MEF2A: variants seen among roughly 807,000 people sequenced by gnomAD.
The protein encoded by MEF2A is myocyte enhancer factor 2A.
A neutral mutation model predicts 55.8 loss-of-function variants in MEF2A; 28 were observed. The ratio of observed to expected loss-of-function variants is 0.50; its 90% CI spans 0.37 to 0.69. MEF2A has a LOEUF of 0.69. Ranked by LOEUF, MEF2A falls within the 30% of genes least tolerant of loss-of-function variation. The probability of loss-of-function intolerance (pLI) is 0.00; values close to 1 mark genes in which losing one functional copy is unlikely to be tolerated. For synonymous variants in MEF2A, 239 were observed against 227.1 expected, an observed-to-expected ratio of 1.05 and a Z score of -0.47; for missense variants, 528 against 626.2, an observed-to-expected ratio of 0.84 and a Z score of 1.67.
chr15:99,690,656 C>T (rs754859913), intron 8 of MEF2A: 60 of 627,068 alleles, frequency 9.6e-5, no homozygotes, highest in African/African-American at 7.2e-5. Context: ...TAAATACGAA[C>T]GTGGTTGGAA....
intron 5 of MEF2A, among the ~76,000 whole-genome samples, chr15:99,672,070 T>C (rs1010119071): frequency 3.9e-5 from 6 of 152,208 alleles, no homozygotes; most frequent in East Asian, 1.9e-4. Flanking sequence ...TGTTCTTAAA[T>C]AGATCTTGAG....
intron 7 of MEF2A, among the ~76,000 whole-genome samples, chr15:99,685,561 A>T (rs1197666412): frequency 6.6e-6 from 1 of 152,090 alleles, no homozygotes; most frequent in African/African-American, 2.4e-5. Flanking sequence ...TCCAGTAAAG[A>T]TGTCATAGAT....
At position 99,597,680 on chromosome 15, in the gene MEF2A, C is replaced by T. The variant is rs370061344; in HGVS notation, c.-224-750C>T. Among the ~76,000 whole-genome samples the T allele has an allele frequency of 3.1e-3, 465 of 152,246 alleles. 1 individual carries two copies. The highest frequency in any genetic ancestry group is 0.023 in the South Asian group (109 of 4,830). Reference sequence around the variant, plus strand: ...GGTTTTTGTGGCTTGGGGGGCATCACGGAACCTACCGACATGTGATGTCTC... The same window carrying T: ...GGTTTTTGTGGCTTGGGGGGCATCATGGAACCTACCGACATGTGATGTCTC... On this transcript the variant is annotated intron_variant, in intron 1 of 11. Coordinates refer to ENST00000557942, the MANE Select transcript of MEF2A (RefSeq NM_001319206.4).
intron 9 of MEF2A, 141 bp from the exon 10 acceptor site, chr15:99,706,585 GTAT>G (rs1567502035): frequency 1.3e-6 from 1 of 792,214 alleles, no homozygotes; most frequent in Non-Finnish European, 2.1e-6. Flanking sequence ...ATTCTCACTA[GTAT>G]TTTTGAAGTT....
Position 99,612,137 on chromosome 15 carries a change from C to T in MEF2A, c.-143+13626C>T, listed in dbSNP as rs74920664. Among the ~76,000 whole-genome samples, 82 of 152,076 alleles carry T rather than the reference C, an allele frequency of 5.4e-4. No homozygotes were observed. In the East Asian group the frequency reaches 0.013, roughly 24 times the overall value. On this transcript the variant is annotated intron_variant, in intron 2 of 11. Coordinates refer to ENST00000557942, the MANE Select transcript of MEF2A (RefSeq NM_001319206.4). ...TACGATTTTTAGAAAAACACCGGGCCGGGGGCAGTGGCTCACACCTGTAAT... is the reference window on the plus strand; with the variant it reads ...TACGATTTTTAGAAAAACACCGGGCTGGGGGCAGTGGCTCACACCTGTAAT...
At chr15:99,686,467 C>G (rs1889520462) in intron 7 of MEF2A, among the ~76,000 whole-genome samples, 1 of 152,194 alleles carries the variant, frequency 6.6e-6, no homozygotes, top group Non-Finnish European at 1.5e-5. Context: ...CTCTCTTCTT[C>G]ATTCATGAAG....
intron 2 of MEF2A, among the ~76,000 whole-genome samples, chr15:99,615,498 A>C (rs1203833998): frequency 1.3e-5 from 2 of 152,214 alleles, no homozygotes; most frequent in Non-Finnish European, 2.9e-5. Flanking sequence ...ACTAGGCCAA[A>C]TACTTCATAT....
At chr15:99,622,196 A>G (rs768242077) in intron 2 of MEF2A, among the ~76,000 whole-genome samples, 24 of 152,232 alleles carry the variant, frequency 1.6e-4, no homozygotes, top group Non-Finnish European at 3.1e-4. Flanking sequence ...TTTTAAAAAC[A>G]TGACACATTT....
chr15:99,690,443 T>C lies in MEF2A; in HGVS notation c.858+15T>C, dbSNP rs1162031182. 1 of 1,569,500 alleles carries C rather than the reference T, an allele frequency of 6.4e-7. No individual in the cohort carries two copies. Among genetic ancestry groups the C allele is most frequent in the Admixed American group, 1.9e-5 (1 of 53,540 alleles). ...TGCCTCCACTAGTAAGTTGAACCTT[T>C]CTTCAACTTCATTCTTTAAAACACA... On this transcript the variant is annotated intron_variant, in intron 8 of 11. Coordinates refer to ENST00000557942, the MANE Select transcript of MEF2A (RefSeq NM_001319206.4).
intron 3 of MEF2A, among the ~76,000 whole-genome samples, chr15:99,645,120 T>C (rs1567310705): frequency 6.6e-6 from 1 of 152,138 alleles, no homozygotes; most frequent in African/African-American, 2.4e-5. Context: ...TTTCAGTGGG[T>C]ACAATAGAGA....
intron 8 of MEF2A, 81 bp from the exon 9 acceptor site, chr15:99,703,281 T>A (rs1027846195): frequency 5.2e-6 from 7 of 1,334,460 alleles, no homozygotes; most frequent in Non-Finnish European, 7.4e-6. Flanking sequence ...TGTCCAAATA[T>A]GTTTTTTCTA....
chr15:99,599,428 C>T (rs1242244714), intron 2 of MEF2A, among the ~76,000 whole-genome samples: 1 of 152,006 alleles, frequency 6.6e-6, no homozygotes, highest in African/African-American at 2.4e-5. Flanking sequence ...ACTTTTGCTA[C>T]TTAACATAGG....
At chr15:99,651,491 G>A (rs928472151) in intron 4 of MEF2A, among the ~76,000 whole-genome samples, 5 of 152,068 alleles carry the variant, frequency 3.3e-5, no homozygotes, top group African/African-American at 1.2e-4. Flanking sequence ...TCAGGGAAAG[G>A]GAAAAAATAA....
At position 99,706,778 on chromosome 15, in the gene MEF2A, C is replaced by T; in HGVS notation, c.932C>T (p.Pro311Leu). Residue 311 changes from proline (P) to leucine (L), a missense_variant, in exon 10 of 12, where the codon CCA (proline) becomes CTA (leucine). Physicochemically the swap from Pro to Leu is moderately conservative, Grantham distance 98. This residue lies in a region of MEF2A where 450 missense variants were observed against 475.3 expected (regional missense o/e 0.95). Transcript: ENST00000557942. Reference protein sequence around the residue: ...SSQATQPLATPVVSVTTPSLP... With the variant: ...SSQATQPLATLVVSVTTPSLP... ...CAAGCCACTCAACCTCTTGCTACCC[C>T]AGTCGTGTCTGTGACAACCCCAAGC... The T allele has an allele frequency of 6.2e-7, 1 of 1,613,970 alleles. No individual in the cohort carries two copies. The highest frequency in any genetic ancestry group is 8.5e-7 in the Non-Finnish European group (1 of 1,179,830).
chr15:99,577,847 A>G (rs1046160187), intron 1 of MEF2A, among the ~76,000 whole-genome samples: 1 of 151,964 alleles, frequency 6.6e-6, no homozygotes, highest in African/African-American at 2.4e-5. Context: ...ATGTCTTTCA[A>G]TTTGGGTTTC....
chr15:99,607,878 C>T (rs529908373), intron 2 of MEF2A, among the ~76,000 whole-genome samples: 9 of 152,278 alleles, frequency 5.9e-5, no homozygotes, highest in African/African-American at 1.9e-4. Context: ...TTTCGTAATA[C>T]TATGCTTATC....
intron 2 of MEF2A, among the ~76,000 whole-genome samples, chr15:99,623,189 T>G (rs962997682): frequency 6.6e-6 from 1 of 152,236 alleles, no homozygotes; most frequent in Non-Finnish European, 1.5e-5. Context: ...TTTATTTCCC[T>G]TACCTAATGT....
chr15:99,690,388 T>C lies in MEF2A; in HGVS notation c.818T>C (p.Val273Ala). Residue 273 changes from valine to alanine, a missense_variant, in exon 8 of 12, where the codon GTT becomes GCT. Val to Ala is a moderately conservative substitution (Grantham distance 64). This residue lies in a region of MEF2A where 450 missense variants were observed against 475.3 expected (regional missense o/e 0.95). Transcript: ENST00000557942. ...GMNSRKPDLR[V>A]VIPPSSKGMM... Reference sequence around the variant, plus strand: ...AACAGTAGGAAACCAGATCTTCGAGTTGTCATCCCCCCTTCAAGCAAGGGC... The same window carrying C: ...AACAGTAGGAAACCAGATCTTCGAGCTGTCATCCCCCCTTCAAGCAAGGGC... The C allele has an allele frequency of 6.2e-7, 1 of 1,608,080 alleles. No individual in the cohort carries two copies. The highest frequency in any genetic ancestry group is 8.5e-7 in the Non-Finnish European group (1 of 1,176,096).
At chr15:99,678,133 T>C (rs1388381509) in intron 7 of MEF2A, among the ~76,000 whole-genome samples, 1 of 152,238 alleles carries the variant, frequency 6.6e-6, no homozygotes, top group East Asian at 1.9e-4. Flanking sequence ...TCGAAATATT[T>C]TCTAATTTCC....
Sources: gnomAD v4.1 joint callset for allele counts (sites outside exome capture counted in the v4.1 genomes callset) on GRCh38, gnomAD v4.1.1 for gene constraint, gnomAD v4.1.1 regional missense constraint, MANE v1.5 for transcripts, NCBI Gene and HGNC (gene_info 2026-07-23, HGNC 2026-07-21) for gene names.